Variants in RORB observed in about 807,000 individuals in gnomAD.
RORB encodes the protein nuclear receptor ROR-beta.
In RORB, 6 loss-of-function variants were observed where a neutral mutation model predicts 59.1. That is an observed-to-expected ratio of 0.10 (90% confidence interval 0.06 to 0.20). The LOEUF (loss-of-function observed/expected upper bound fraction) is 0.20, where lower values mean the gene tolerates loss of function less well. RORB is among the 10% of genes least tolerant of loss of function. The pLI, the probability that RORB is intolerant of heterozygous loss-of-function variation, is 1.00. For missense variants in RORB, 320 were observed against 560.5 expected (o/e 0.57, Z 4.33); for synonymous variants, 215 against 204.5 (o/e 1.05, Z -0.44).
At chr9:74,579,365 C>A (rs1483804602) in intron 1 of RORB, among the ~76,000 whole-genome samples, 1 of 152,054 alleles carries the variant, frequency 6.6e-6, no homozygotes, top group East Asian at 1.9e-4. Context: ...TTTTATATTT[C>A]TTTCTTTTTT....
chr9:74,609,453 T>A (rs1823201151), intron 1 of RORB, among the ~76,000 whole-genome samples: 1 of 152,180 alleles, frequency 6.6e-6, no homozygotes, highest in African/African-American at 2.4e-5. Context: ...CTTTTTTTTC[T>A]TTTTAATATG....
chr9:74,637,460 C>T (rs1050054823), intron 3 of RORB, among the ~76,000 whole-genome samples: 4 of 152,086 alleles, frequency 2.6e-5, no homozygotes, highest in Non-Finnish European at 5.9e-5. Context: ...AAAATCAAAT[C>T]CACTTGGAAA....
intron 9 of RORB, among the ~76,000 whole-genome samples, chr9:74,684,195 A>G (rs1357893416): frequency 2.6e-5 from 4 of 152,218 alleles, no homozygotes; most frequent in Non-Finnish European, 4.4e-5. Flanking sequence ...ATTACTTGTT[A>G]AAAGGAAAGT....
intron 1 of RORB, among the ~76,000 whole-genome samples, chr9:74,574,783 A>C (rs954157493): frequency 1.3e-5 from 2 of 152,106 alleles, no homozygotes; most frequent in Admixed American, 6.6e-5. Context: ...TGATTTTCAC[A>C]AGCAAGAAGA....
rs1429164100 is a variant in RORB at position 74,689,531 on chromosome 9, T to C, written c.*3913T>C. Reference sequence around the variant, plus strand: ...GGCTCTGGACTAAAGTACCTCTGAGTAGGTAAAATCAGAGAATATAACGAT... The same window carrying C: ...GGCTCTGGACTAAAGTACCTCTGAGCAGGTAAAATCAGAGAATATAACGAT... On this transcript the variant is annotated 3_prime_UTR_variant, in exon 10 of 10. Coordinates refer to ENST00000376896, the MANE Select transcript of RORB (RefSeq NM_006914.4). 6.6e-6 allele frequency: 1 copy of C among 152,226 alleles called. No homozygotes were observed. The highest frequency in any genetic ancestry group is 1.5e-5 in the Non-Finnish European group (1 of 68,044). 9.4% of individuals were successfully genotyped at this position (152,226 alleles called of 1,614,324 possible).
chr9:74,544,652 A>G (rs1826460880), intron 1 of RORB, among the ~76,000 whole-genome samples: 1 of 152,124 alleles, frequency 6.6e-6, no homozygotes, highest in Admixed American at 6.5e-5. Context: ...CTGACTAGGA[A>G]ACCTCATCAC....
chr9:74,673,283 G>A (rs1824378550), intron 9 of RORB, among the ~76,000 whole-genome samples: 1 of 152,130 alleles, frequency 6.6e-6, no homozygotes. Flanking sequence ...TAATTAATGT[G>A]GAGGGATGTT....
In RORB at chr9:74,690,597, G is replaced by C. The variant is rs139249804; in HGVS notation, c.*4979G>C. ...GCAGCCTCTGGTTTAAAGCAAAATC[G>C]CATCTGGGGCCAGCTCAACTGCAGC... On this transcript the variant is annotated 3_prime_UTR_variant, in exon 10 of 10. Coordinates refer to ENST00000376896, the MANE Select transcript of RORB (RefSeq NM_006914.4). 1 of 152,170 alleles carries C rather than the reference G, an allele frequency of 6.6e-6. No homozygotes were observed. Among genetic ancestry groups the C allele is most frequent in the African/African-American group, 2.4e-5 (1 of 41,416 alleles). The allele number at this position is 152,170 out of a possible 1,614,324, so 9.4% of individuals were successfully genotyped here. A position where few individuals can be genotyped will look rare whatever the true frequency, so the allele number is the denominator to read the frequency against.
At chr9:74,672,849 C>A (rs1016964921) in intron 9 of RORB, among the ~76,000 whole-genome samples, 3 of 151,996 alleles carry the variant, frequency 2.0e-5, no homozygotes, top group Non-Finnish European at 4.4e-5. Flanking sequence ...CATAGGAATC[C>A]TACTCTTTAT....
chr9:74,560,189 T>A (rs887172542), intron 1 of RORB, among the ~76,000 whole-genome samples: 1 of 152,144 alleles, frequency 6.6e-6, no homozygotes, highest in Non-Finnish European at 1.5e-5. Flanking sequence ...TAAGAATCCA[T>A]CTCTAGAAGC....
chr9:74,509,914 C>A (rs1387957337), intron 1 of RORB, among the ~76,000 whole-genome samples: 1 of 152,092 alleles, frequency 6.6e-6, no homozygotes, highest in Non-Finnish European at 1.5e-5. Context: ...TCTGCTCCTC[C>A]TTAACAATAT....
chr9:74,549,638 AAAG>A (rs1306581710), intron 1 of RORB, among the ~76,000 whole-genome samples: 1 of 150,438 alleles, frequency 6.6e-6, no homozygotes, highest in African/African-American at 2.5e-5. Context: ...GAAAGGAAAG[AAAG>A]AAAGAAAGAG....
At chr9:74,640,493 C>T (rs1405152072) in intron 3 of RORB, among the ~76,000 whole-genome samples, 1 of 151,920 alleles carries the variant, frequency 6.6e-6, no homozygotes. Flanking sequence ...CCACGTTAGC[C>T]AGGATGGTCT....
chr9:74,522,630 G>A (rs1233508880), intron 1 of RORB, among the ~76,000 whole-genome samples: 5 of 151,804 alleles, frequency 3.3e-5, no homozygotes, highest in African/African-American at 4.8e-5. Flanking sequence ...TTACAATGTA[G>A]TGCATTGTCT....
chr9:74,533,237 G>A (rs563847793), intron 1 of RORB, among the ~76,000 whole-genome samples: 7 of 152,030 alleles, frequency 4.6e-5, no homozygotes, highest in Admixed American at 2.0e-4. Flanking sequence ...AATGATAGAT[G>A]TTTCCCCTGA....
At chr9:74,571,713 T>C (rs538603037) in intron 1 of RORB, among the ~76,000 whole-genome samples, 3 of 152,314 alleles carry the variant, frequency 2.0e-5, no homozygotes, top group South Asian at 2.1e-4. Flanking sequence ...TGGTTTTTAA[T>C]ATGGTAACTT....
rs746840403 is a variant in RORB, at chr9:74,671,858, A to G, written c.1181A>G (p.His394Arg). 3 of 1,612,334 alleles carry G rather than the reference A, an allele frequency of 1.9e-6. No individual in the cohort carries two copies. Among genetic ancestry groups the G allele is most frequent in the South Asian group, 2.2e-5 (2 of 90,826 alleles). Residue 394 changes from histidine to arginine, a missense_variant, in exon 9 of 10, where the codon CAT becomes CGT. Transcript: ENST00000376896. ...GAAAAAATTTATTTTGCACTTCAAC[A>G]TGTGATTCAGAAGAATCACCTGGAT... ...LQEKIYFALQ[H>R]VIQKNHLDDE...
intron 1 of RORB, among the ~76,000 whole-genome samples, chr9:74,552,535 T>C (rs1826627244): frequency 6.6e-6 from 1 of 152,104 alleles, no homozygotes; most frequent in Admixed American, 6.6e-5. Flanking sequence ...ACTTTAAAAA[T>C]GGCTAGCATG....
In RORB at chr9:74,607,860, G is replaced by C. The variant is rs961439380; in HGVS notation, c.8-22422G>C. Among the ~76,000 whole-genome samples, 3 of 152,304 alleles carry C rather than the reference G, an allele frequency of 2.0e-5. 1 individual carries two copies. Among genetic ancestry groups the C allele is most frequent in the South Asian group, 4.1e-4 (2 of 4,826 alleles). On this transcript the variant is annotated intron_variant, in intron 1 of 9. Transcript: ENST00000376896. ...TTCTGATACTATACTGTTAAGATCA[G>C]TGAAGCAACACAGAATTGTGTTTTT...
Sources: allele counts gnomAD v4.1 joint callset (sites outside exome capture counted in the v4.1 genomes callset), GRCh38; gene constraint gnomAD v4.1.1; transcripts MANE v1.5; gene names NCBI Gene and HGNC (gene_info 2026-07-23, HGNC 2026-07-21).